The following TBX15 variants were observed in gnomAD, a reference collection of about 807,000 sequenced individuals.
The protein encoded by TBX15 is T-box transcription factor TBX15.
A neutral mutation model predicts 53.9 loss-of-function variants in TBX15; 18 were observed. The observed-to-expected ratio is 0.33, with a 90% CI of 0.23 to 0.49. The LOEUF (loss-of-function observed/expected upper bound fraction) is 0.49, where lower values mean the gene tolerates loss of function less well. Ranked by LOEUF, TBX15 falls within the 20% of genes least tolerant of loss-of-function variation. The pLI is 0.98. For synonymous variants in TBX15, 295 were observed against 278.0 expected, an observed-to-expected ratio of 1.06 and a Z score of -0.61; for missense variants, 692 against 749.5, an observed-to-expected ratio of 0.92 and a Z score of 0.90.
intron 5 of TBX15, among the ~76,000 whole-genome samples, chr1:118,922,309 G>T (rs1258308393): frequency 6.6e-6 from 1 of 152,102 alleles, no homozygotes; most frequent in Non-Finnish European, 1.5e-5. Flanking sequence ...AGCCATTGCA[G>T]CTCCTCCAAT....
intron 7 of TBX15, 80 bp from the exon 8 acceptor site, chr1:118,885,596 A>C: frequency 6.6e-7 from 1 of 1,522,586 alleles, no homozygotes; most frequent in Non-Finnish European, 8.9e-7. Flanking sequence ...GCCATACAGG[A>C]GGTGCCTTCA....
At chr1:118,893,524 A>AAGAG (rs1654274374) in intron 7 of TBX15, among the ~76,000 whole-genome samples, 1 of 131,118 alleles carries the variant, frequency 7.6e-6, no homozygotes, top group Non-Finnish European at 1.6e-5. Context: ...GAAAGAAAGA[A>AAGAG]AGAAGGAAAG....
intron 6 of TBX15, among the ~76,000 whole-genome samples, chr1:118,909,610 T>C (rs181237933): frequency 1.3e-3 from 195 of 152,262 alleles, no homozygotes; most frequent in African/African-American, 4.4e-3. Context: ...TGAGACGGAG[T>C]CTCGCTCCGT....
chr1:118,907,498 T>C (rs1229955505), intron 6 of TBX15, among the ~76,000 whole-genome samples: 1 of 152,236 alleles, frequency 6.6e-6, no homozygotes, highest in Non-Finnish European at 1.5e-5. Context: ...AAGGATGGCT[T>C]GATAGGAAGA....
At chr1:118,976,709 T>G (rs879281743) in intron 1 of TBX15, among the ~76,000 whole-genome samples, 14 of 152,202 alleles carry the variant, frequency 9.2e-5, no homozygotes, top group Non-Finnish European at 2.1e-4. Flanking sequence ...GGTTGGCATT[T>G]TGCCTCAGTG....
chr1:118,984,187 C>CCACGTGTA (rs1657741045), intron 1 of TBX15, among the ~76,000 whole-genome samples: 1 of 152,216 alleles, frequency 6.6e-6, no homozygotes. Context: ...GCGAGACCTG[C>CCACGTGTA]CACGTGTACA....
intron 1 of TBX15, among the ~76,000 whole-genome samples, chr1:118,984,493 G>A (rs1657753988): frequency 6.6e-6 from 1 of 152,240 alleles, no homozygotes; most frequent in Non-Finnish European, 1.5e-5. Context: ...CCGAGCGCCT[G>A]AAATATACTT....
chr1:118,920,339 G>T (rs1424500114), intron 5 of TBX15, among the ~76,000 whole-genome samples: 2 of 152,044 alleles, frequency 1.3e-5, no homozygotes, highest in African/African-American at 4.8e-5. Flanking sequence ...GGTAGGGAAT[G>T]GTATTTTCAC....
chr1:118,988,021 A>G lies in TBX15; in HGVS notation c.-226T>C, dbSNP rs978217768. On this transcript the variant is annotated 5_prime_UTR_variant, in exon 1 of 8. Transcript: ENST00000369429. ...TACGCTGGCCCAGCTGCTAGGAACTAGCGCCCCGAGCGCCGCCCGCTCGCT... is the reference window on the plus strand; with the variant it reads ...TACGCTGGCCCAGCTGCTAGGAACTGGCGCCCCGAGCGCCGCCCGCTCGCT... 6.6e-6 allele frequency: 4 copies of G among 604,352 alleles called. No homozygotes were observed. Among genetic ancestry groups the G allele is most frequent in the African/African-American group, 5.7e-5 (3 of 52,604 alleles). 37.4% of individuals were successfully genotyped at this position (604,352 alleles called of 1,614,324 possible).
At chr1:118,954,687 TTTAAA>T (rs1170124624) in intron 1 of TBX15, among the ~76,000 whole-genome samples, 3 of 152,186 alleles carry the variant, frequency 2.0e-5, no homozygotes, top group Non-Finnish European at 4.4e-5. Flanking sequence ...AATCTGACCC[TTTAAA>T]TTAAGGCAAG....
At chr1:118,893,853 A>G (rs148571010) in intron 7 of TBX15, among the ~76,000 whole-genome samples, 7 of 152,316 alleles carry the variant, frequency 4.6e-5, no homozygotes, top group African/African-American at 1.4e-4. Context: ...TTCAATCACT[A>G]TTTGAGTACT....
intron 3 of TBX15, among the ~76,000 whole-genome samples, chr1:118,925,391 G>T (rs1183736834): frequency 1.3e-5 from 2 of 152,124 alleles, no homozygotes; most frequent in East Asian, 1.9e-4. Context: ...ACGGGCCTTT[G>T]CCTCTCTGCA....
At chr1:118,956,399 G>C (rs1047825942) in intron 1 of TBX15, among the ~76,000 whole-genome samples, 1 of 151,868 alleles carries the variant, frequency 6.6e-6, no homozygotes, top group African/African-American at 2.4e-5. Context: ...AAAAAAGTTA[G>C]GTATTTATAT....
At chr1:118,985,181 C>T (rs993470917) in intron 1 of TBX15, among the ~76,000 whole-genome samples, 1 of 152,066 alleles carries the variant, frequency 6.6e-6, no homozygotes, top group Admixed American at 6.5e-5. Flanking sequence ...TGTTATCGGC[C>T]TAGGGCGGGA....
At chr1:118,895,944 G>T (rs1258677206) in intron 7 of TBX15, among the ~76,000 whole-genome samples, 1 of 152,196 alleles carries the variant, frequency 6.6e-6, no homozygotes, top group Admixed American at 6.5e-5. Flanking sequence ...TCTGAACTTA[G>T]CTCTGCCACC....
At chr1:118,934,611 T>C (rs1384922721) in intron 1 of TBX15, among the ~76,000 whole-genome samples, 1 of 152,210 alleles carries the variant, frequency 6.6e-6, no homozygotes, top group Non-Finnish European at 1.5e-5. Flanking sequence ...ATGGGACCTC[T>C]CTTCAAGTAC....
intron 6 of TBX15, 145 bp from the exon 7 acceptor site, chr1:118,899,270 A>T (rs1243161883): frequency 2.6e-6 from 2 of 760,000 alleles, no homozygotes; most frequent in Non-Finnish European, 2.3e-6. Flanking sequence ...CGGGTGAAAA[A>T]ACTCAAGGTA....
In TBX15 at chr1:118,971,615, C is replaced by G. The variant is rs560435950; in HGVS notation, c.205+15976G>C. On this transcript the variant is annotated intron_variant, in intron 1 of 7. Transcript: ENST00000369429. ...TATGTTGGATGTCATAAGAAAGGTA[C>G]AAAATATTAATTTTTAAAGGCTTCT... is the stretch of plus-strand genomic sequence containing the variant. Among the ~76,000 whole-genome samples the G allele has an allele frequency of 5.3e-5, 8 of 152,268 alleles. No homozygotes were observed. The South Asian group carries it at 1.7e-3, about 32-fold the overall frequency.
At chr1:118,889,814 AT>A (rs11401574) in intron 7 of TBX15, among the ~76,000 whole-genome samples, 14,152 of 150,332 alleles carry the variant, frequency 0.094, 846 homozygotes, top group Non-Finnish European at 0.12. Flanking sequence ...AAAAAAAAAA[AT>A]TTAGTAGAGA....
Sources: gnomAD v4.1 joint callset for allele counts (sites outside exome capture counted in the v4.1 genomes callset) on GRCh38, gnomAD v4.1.1 for gene constraint, MANE v1.5 for transcripts, NCBI Gene and HGNC (gene_info 2026-07-23, HGNC 2026-07-21) for gene names.